CACNA2D1: variants seen among roughly 807,000 people sequenced by gnomAD.
CACNA2D1 encodes the protein calcium voltage-gated channel auxiliary subunit alpha2delta 1, also known as voltage-dependent calcium channel subunit alpha-2/delta-1.
A neutral mutation model predicts 171.5 loss-of-function variants in CACNA2D1; 53 were observed. The observed-to-expected ratio is 0.31, with a 90% CI of 0.25 to 0.39. CACNA2D1 has a LOEUF of 0.39. Among genes scored for constraint, CACNA2D1 ranks in the 10% least tolerant of loss-of-function variants. The probability of loss-of-function intolerance (pLI) is 1.00; values close to 1 mark genes in which losing one functional copy is unlikely to be tolerated. For synonymous variants in CACNA2D1, 442 were observed against 443.1 expected (o/e 1.00, Z 0.03); for missense variants, 903 against 1,299.8 (o/e 0.69, Z 4.69).
chr7:82,103,274 T>C (rs1563052380), intron 6 of CACNA2D1, among the ~76,000 whole-genome samples: 1 of 152,112 alleles, frequency 6.6e-6, no homozygotes, highest in African/African-American at 2.4e-5. Flanking sequence ...CCAGCCTGGG[T>C]GACAGAACCA....
At position 82,064,357 on chromosome 7, in the gene CACNA2D1, G is replaced by A. The variant is rs574390954; in HGVS notation, c.729-3C>T. 5.0e-6 allele frequency: 8 copies of A among 1,596,440 alleles called. No individual in the cohort carries two copies. In the Admixed American group the frequency reaches 8.4e-5, roughly 17 times the overall value. On this transcript the variant is annotated splice_region_variant and splice_polypyrimidine_tract_variant and intron_variant, in intron 8 of 38. Coordinates refer to ENST00000356860, the MANE Select transcript of CACNA2D1 (RefSeq NM_000722.4). The stretch of plus-strand genomic sequence containing the variant: ...GAGATGCAGCTCCTTGGATGTACCT[G>A]AAACAAATATTGTAATAAATGCTTT...
chr7:82,103,620 C>T (rs1157778247), intron 6 of CACNA2D1, among the ~76,000 whole-genome samples: 2 of 151,856 alleles, frequency 1.3e-5, no homozygotes, highest in African/African-American at 4.8e-5. Flanking sequence ...CAAGTTAATG[C>T]CAGTTATAAA....
intron 7 of CACNA2D1, among the ~76,000 whole-genome samples, chr7:82,081,999 C>T (rs936569587): frequency 3.3e-5 from 5 of 152,306 alleles, no homozygotes; most frequent in Non-Finnish European, 5.9e-5. Flanking sequence ...AATGCGGAAA[C>T]GTGGTGGCAC....
intron 3 of CACNA2D1, among the ~76,000 whole-genome samples, chr7:82,182,682 C>A (rs551091938): frequency 7.2e-5 from 11 of 151,776 alleles, no homozygotes; most frequent in Non-Finnish European, 1.3e-4. Context: ...ACATACTTTA[C>A]AAATCTTTTC....
At chr7:82,081,455 A>G (rs956409914) in intron 7 of CACNA2D1, among the ~76,000 whole-genome samples, 1 of 152,200 alleles carries the variant, frequency 6.6e-6, no homozygotes, top group Non-Finnish European at 1.5e-5. Context: ...TGTCATAAAG[A>G]GCAACTCAGT....
At chr7:82,072,082 ATAT>A (rs1185633797) in intron 7 of CACNA2D1, among the ~76,000 whole-genome samples, 3 of 152,128 alleles carry the variant, frequency 2.0e-5, no homozygotes, top group African/African-American at 4.8e-5. Context: ...CCTTTGTTAT[ATAT>A]TATTAAGTAA....
At chr7:82,264,029 A>G (rs1463516266) in intron 3 of CACNA2D1, among the ~76,000 whole-genome samples, 1 of 152,154 alleles carries the variant, frequency 6.6e-6, no homozygotes, top group African/African-American at 2.4e-5. Context: ...TAAGCCCATA[A>G]ACTCATTCTA....
At chr7:82,082,670 C>G (rs950217596) in intron 7 of CACNA2D1, among the ~76,000 whole-genome samples, 2 of 150,870 alleles carry the variant, frequency 1.3e-5, no homozygotes, top group African/African-American at 4.9e-5. Context: ...GGCTTTAAAC[C>G]GTCTTCTGCT....
chr7:82,307,952 C>A (rs1813942030), intron 3 of CACNA2D1, among the ~76,000 whole-genome samples: 1 of 152,212 alleles, frequency 6.6e-6, no homozygotes, highest in Non-Finnish European at 1.5e-5. Context: ...AGCTGACATT[C>A]AAACTACATA....
chr7:82,299,506 CAA>C (rs1411703337), intron 3 of CACNA2D1, among the ~76,000 whole-genome samples: 1 of 151,806 alleles, frequency 6.6e-6, no homozygotes, highest in African/African-American at 2.4e-5. Context: ...ACTAAAAATA[CAA>C]AAATTAGCCA....
intron 38 of CACNA2D1, among the ~76,000 whole-genome samples, chr7:81,954,393 A>AGAT (rs1486708112): frequency 6.6e-6 from 1 of 152,036 alleles, no homozygotes; most frequent in Non-Finnish European, 1.5e-5. Flanking sequence ...GTGTTATTAA[A>AGAT]GATATCAACT....
chr7:82,289,195 C>G (rs1427304645), intron 3 of CACNA2D1, among the ~76,000 whole-genome samples: 5 of 152,040 alleles, frequency 3.3e-5, no homozygotes, highest in African/African-American at 1.2e-4. Flanking sequence ...ACAATAAGAC[C>G]TAGTCATATA....
intron 3 of CACNA2D1, among the ~76,000 whole-genome samples, chr7:82,243,540 CAAT>C (rs1804560834): frequency 6.6e-6 from 1 of 152,180 alleles, no homozygotes; most frequent in Admixed American, 6.5e-5. Context: ...AAGTAACCAA[CAAT>C]GACTAAATAC....
chr7:82,229,686 T>TTTTTACTTTA (rs1802708866), intron 3 of CACNA2D1, among the ~76,000 whole-genome samples: 1 of 147,814 alleles, frequency 6.8e-6, no homozygotes, highest in African/African-American at 2.5e-5. Context: ...ACTTTTTTTA[T>TTTTTACTTTA]TTTTATTTTA....
chr7:82,223,854 C>T (rs1802049715), intron 3 of CACNA2D1, among the ~76,000 whole-genome samples: 1 of 152,194 alleles, frequency 6.6e-6, no homozygotes, highest in South Asian at 2.1e-4. Flanking sequence ...CATCCAATGG[C>T]TTCCCTTGGT....
intron 4 of CACNA2D1, among the ~76,000 whole-genome samples, chr7:82,164,887 A>G (rs764347859): frequency 5.9e-5 from 9 of 152,052 alleles, no homozygotes; most frequent in Non-Finnish European, 1.2e-4. Context: ...TAAGCAGTAT[A>G]CAACAATTTT....
At chr7:82,296,693 C>T (rs1285872198) in intron 3 of CACNA2D1, among the ~76,000 whole-genome samples, 1 of 152,124 alleles carries the variant, frequency 6.6e-6, no homozygotes, top group Non-Finnish European at 1.5e-5. Context: ...CTATGTATTA[C>T]CACTGTATGT....
chr7:82,083,330 T>C (rs1471821183), intron 7 of CACNA2D1, among the ~76,000 whole-genome samples: 2 of 151,998 alleles, frequency 1.3e-5, no homozygotes, highest in Non-Finnish European at 2.9e-5. Context: ...GGTCTTCTAA[T>C]TTATAATTGT....
At chr7:82,029,408 T>C (rs1300877361) in intron 12 of CACNA2D1, 2 of 151,798 alleles carry the variant, frequency 1.3e-5, no homozygotes, top group African/African-American at 2.4e-5. Context: ...ATTTTCACTC[T>C]ATTGTGGTTG....
Sources: gnomAD v4.1 joint callset for allele counts (sites outside exome capture counted in the v4.1 genomes callset) on GRCh38, gnomAD v4.1.1 for gene constraint, MANE v1.5 for transcripts, NCBI Gene and HGNC (gene_info 2026-07-23, HGNC 2026-07-21) for gene names.